KLHL5: variants seen among roughly 807,000 people sequenced by gnomAD.
The protein encoded by KLHL5 is kelch like family member 5.
In KLHL5, 48 loss-of-function variants were observed where a neutral mutation model predicts 77.7. The observed-to-expected ratio is 0.62, with a 90% CI of 0.49 to 0.79. KLHL5 has a LOEUF of 0.79. KLHL5 is among the 30% of genes least tolerant of loss of function. The pLI, the probability that KLHL5 is intolerant of heterozygous loss-of-function variation, is 0.00. For missense variants in KLHL5, 723 were observed against 859.7 expected (o/e 0.84, Z 1.99); for synonymous variants, 260 against 297.0 (o/e 0.88, Z 1.28).
chr4:39,129,164 TA>T (rs528417870), downstream of KLHL5, among the ~76,000 whole-genome samples: 128 of 136,262 alleles, frequency 9.4e-4, no homozygotes, highest in South Asian at 3.9e-3. The surrounding 1 kb of genome is among the most constrained non-coding windows in gnomAD (Gnocchi z 4.2). Flanking sequence ...CATATTTTCT[TA>T]AAAAAAAAAA....
chr4:39,080,731 T>C (rs934002844), intron 2 of KLHL5, among the ~76,000 whole-genome samples: 5 of 152,096 alleles, frequency 3.3e-5, no homozygotes, highest in African/African-American at 1.2e-4. Flanking sequence ...GTCTCCCATA[T>C]ATTCACTACT....
chr4:39,141,791 AAAAG>A, the KLHL5 span, among the ~76,000 whole-genome samples: 22 of 152,262 alleles, frequency 1.4e-4, no homozygotes, highest in Admixed American at 6.5e-5. Flanking sequence ...AAAGAAAAGA[AAAAG>A]AAAGAAAAAA....
intron 1 of KLHL5, among the ~76,000 whole-genome samples, chr4:39,055,684 C>T (rs943714156): frequency 6.6e-6 from 1 of 152,172 alleles, no homozygotes; most frequent in Admixed American, 6.5e-5. Context: ...TTTCACTGTA[C>T]TCAGAGTTCC....
At chr4:39,046,317 GAAA>G (rs1278451425) in intron 1 of KLHL5, among the ~76,000 whole-genome samples, 5 of 152,192 alleles carry the variant, frequency 3.3e-5, no homozygotes, top group Admixed American at 2.0e-4. Context: ...GGTAGAGCAG[GAAA>G]AGAAGAACAC....
intron 8 of KLHL5, among the ~76,000 whole-genome samples, chr4:39,111,146 C>T (rs1434138831): frequency 6.6e-6 from 1 of 152,112 alleles, no homozygotes; most frequent in Non-Finnish European, 1.5e-5. Context: ...ATTGTTTGTA[C>T]ACTTAAGATC....
chr4:39,115,167 C>T lies in KLHL5; in HGVS notation c.1910C>T (p.Pro637Leu). Residue 637 changes from proline (P) to leucine (L), a missense_variant, in exon 10 of 11, where the codon CCC (proline) becomes CTC (leucine). This residue lies in a region of KLHL5 where 214 missense variants were observed against 237.4 expected (regional missense o/e 0.90). Coordinates refer to ENST00000504108, the MANE Select transcript of KLHL5 (RefSeq NM_015990.5). The stretch of plus-strand genomic sequence containing the variant: ...CTAAAATTTTCTTACAGATATGATC[C>T]CAAAACAGACATGTGGACTGCAGTA... ...RLSDCVERYD[P>L]KTDMWTAVAS... 1 of 1,604,108 alleles carries T rather than the reference C, an allele frequency of 6.2e-7. No homozygotes were observed. The highest frequency in any genetic ancestry group is 8.5e-7 in the Non-Finnish European group (1 of 1,177,522).
intron 5 of KLHL5, among the ~76,000 whole-genome samples, chr4:39,090,068 A>G (rs1420323791): frequency 1.3e-5 from 2 of 152,170 alleles, no homozygotes; most frequent in African/African-American, 4.8e-5. Context: ...CAAGTAATAA[A>G]GTTTTGAAGT....
chr4:39,074,432 C>A (rs1450164678), intron 1 of KLHL5, among the ~76,000 whole-genome samples: 1 of 152,174 alleles, frequency 6.6e-6, no homozygotes, highest in African/African-American at 2.4e-5. Flanking sequence ...AATCCTCTCC[C>A]TTCAACCCGT....
intron 1 of KLHL5, among the ~76,000 whole-genome samples, chr4:39,056,171 G>A (rs1367299): frequency 0.76 from 114,948 of 152,162 alleles, 43,434 homozygotes; most frequent in East Asian, 0.82. Context: ...TGCCCGAGCA[G>A]CCGTGCAATG....
chr4:39,081,310 T>G lies in KLHL5; in HGVS notation c.703+71T>G. On this transcript the variant is annotated intron_variant, in intron 3 of 10. Transcript: ENST00000504108. The surrounding 1 kb of genome is among the most constrained non-coding windows in gnomAD (Gnocchi z 4.3). Reference sequence around the variant, plus strand: ...GTATTATTAGATTTCAGATTTCTGTTTTTAGAAAGCATGCCATAGCTAACA... The same window carrying G: ...GTATTATTAGATTTCAGATTTCTGTGTTTAGAAAGCATGCCATAGCTAACA... The G allele has an allele frequency of 7.4e-7, 1 of 1,353,344 alleles. No homozygotes were observed. The highest frequency in any genetic ancestry group is 1.0e-6 in the Non-Finnish European group (1 of 1,000,964). The allele number at this position is 1,353,344 out of a possible 1,614,324, so 83.8% of individuals were successfully genotyped here. A position where few individuals can be genotyped will look rare whatever the true frequency, so the allele number is the denominator to read the frequency against.
At position 39,062,821 on chromosome 4, in the gene KLHL5, T is replaced by C. The variant is rs373781546; in HGVS notation, c.169T>C (p.Cys57Arg). 114 of 1,614,042 alleles carry C rather than the reference T, an allele frequency of 7.1e-5. No individual in the cohort carries two copies. The highest frequency in any genetic ancestry group is 1.7e-4 in the Admixed American group (10 of 59,984). The change falls in exon 1 of 11, where the codon TGT becomes CGT. Residue 57 changes from cysteine to arginine, a missense_variant. This residue lies in a region of KLHL5 where 221 missense variants were observed against 222.1 expected (regional missense o/e 1.00). Transcript: ENST00000504108. ...CGGTGGGAGAAAGTTTTTAGATCCA[T>C]GTAGCCTACAATTGCCTTTGGCTTC... Reference protein sequence around the residue: ...ANGGRKFLDPCSLQLPLASIG... With the variant: ...ANGGRKFLDPRSLQLPLASIG...
rs71643268 is a variant in KLHL5 at position 39,124,802 on chromosome 4, CAAAAAA to C, written c.*3755_*3760del. On this transcript the variant is annotated 3_prime_UTR_variant, in exon 11 of 11. Transcript: ENST00000504108. Reference sequence around the variant, plus strand: ...GCACCAAAAGCACAAGCAACAACAGCAAAAAAAAAAAAAAAAAAAAAAAATCAAAAT... The same window carrying C: ...GCACCAAAAGCACAAGCAACAACAGCAAAAAAAAAAAAAAAAAATCAAAAT... Among the ~76,000 whole-genome samples the C allele has an allele frequency of 0.013, 567 of 44,142 alleles. 5 individuals are homozygous for C. The highest frequency in any genetic ancestry group is 0.019 in the African/African-American group (252 of 13,566). 29.0% of individuals were successfully genotyped at this position (44,142 alleles called of 152,430 possible). A position where few individuals can be genotyped will look rare whatever the true frequency, so the allele number is the denominator to read the frequency against.
At chr4:39,070,753 A>G (rs542798993) in intron 1 of KLHL5, among the ~76,000 whole-genome samples, 1 of 152,308 alleles carries the variant, frequency 6.6e-6, no homozygotes, top group South Asian at 2.1e-4. Flanking sequence ...CGCCCTATAA[A>G]TTTCCAAATC....
intron 8 of KLHL5, among the ~76,000 whole-genome samples, chr4:39,108,818 C>G (rs1722230970): frequency 6.6e-6 from 1 of 152,120 alleles, no homozygotes; most frequent in African/African-American, 2.4e-5. Context: ...GGGATTGATT[C>G]ATTGGATTAA....
intron 5 of KLHL5, among the ~76,000 whole-genome samples, chr4:39,090,108 A>G (rs561949869): frequency 1.2e-4 from 19 of 152,330 alleles, no homozygotes; most frequent in Non-Finnish European, 2.5e-4. Context: ...AAAATGTTGG[A>G]TTGTATTCGG....
chr4:39,130,918 C>T (rs951286748), downstream of KLHL5, among the ~76,000 whole-genome samples: 10 of 151,098 alleles, frequency 6.6e-5, no homozygotes, highest in East Asian at 3.9e-4. Flanking sequence ...TCTCGGCTCA[C>T]GGCAACCTCC....
intron 8 of KLHL5, among the ~76,000 whole-genome samples, chr4:39,109,116 ATAAC>A (rs1429900337): frequency 5.9e-5 from 9 of 152,218 alleles, no homozygotes; most frequent in Admixed American, 5.9e-4. Context: ...AATGTATAGT[ATAAC>A]TAAAGAATCT....
intron 8 of KLHL5, chr4:39,112,615 G>A: frequency 5.3e-6 from 1 of 189,116 alleles, no homozygotes; most frequent in Non-Finnish European, 1.1e-5. Flanking sequence ...GGTGCTCAGA[G>A]AAGGTTAGCT....
Position 39,062,455 on chromosome 4 carries a change from C to A in KLHL5, c.-198C>A. 6.5e-7 allele frequency: 1 copy of A among 1,549,776 alleles called. No homozygotes were observed. ...TGTTCCACCGTGTTTCATCTTTATT[C>A]ATTATCCTTTGTTCTTTAAAATCTG... On this transcript the variant is annotated 5_prime_UTR_variant, in exon 1 of 11. Coordinates refer to ENST00000504108, the MANE Select transcript of KLHL5 (RefSeq NM_015990.5).
Sources: allele counts gnomAD v4.1 joint callset (sites outside exome capture counted in the v4.1 genomes callset), GRCh38; gene constraint gnomAD v4.1.1; regional missense constraint gnomAD v4.1.1; non-coding constraint Gnocchi (gnomAD v3.1); transcripts MANE v1.5; gene names NCBI Gene and HGNC (gene_info 2026-07-23, HGNC 2026-07-21).